The following ARL13B variants were observed in gnomAD, a reference collection of about 807,000 sequenced individuals.
ARL13B encodes the protein ARF like GTPase 13B, also known as ADP-ribosylation factor-like protein 13B.
In ARL13B, 36 loss-of-function variants were observed where a neutral mutation model predicts 56.1. The observed-to-expected ratio is 0.64, with a 90% CI of 0.49 to 0.85. The LOEUF is 0.85. ARL13B is among the 40% of genes least tolerant of loss of function. The probability of loss-of-function intolerance (pLI) is 0.00; values close to 1 mark genes in which losing one functional copy is unlikely to be tolerated. For synonymous variants in ARL13B, 178 were observed against 171.1 expected, an observed-to-expected ratio of 1.04 and a Z score of -0.32; for missense variants, 519 against 507.1, an observed-to-expected ratio of 1.02 and a Z score of -0.23.
chr3:93,981,217 C>CCAGGCA (rs1343434884), intron 1 of ARL13B, among the ~76,000 whole-genome samples: 1 of 152,144 alleles, frequency 6.6e-6, no homozygotes, highest in Non-Finnish European at 1.5e-5. Flanking sequence ...ATACCTTGTG[C>CCAGGCA]CAGGCACTGT....
chr3:93,995,964 G>T lies in ARL13B; in HGVS notation c.130+20G>T. On this transcript the variant is annotated intron_variant, in intron 2 of 9. Transcript: ENST00000394222. ...AAGGAGGTAAGCTGAAAACATTTAT[G>T]TGCTTTCTGAACTCTATTAAATTAT... 6.2e-7 allele frequency: 1 copy of T among 1,608,424 alleles called. No individual in the cohort carries two copies. The highest frequency in any genetic ancestry group is 8.5e-7 in the Non-Finnish European group (1 of 1,175,772).
chr3:94,035,313 A>T lies in ARL13B; in HGVS notation c.381-18A>T. ...AATTATATATATGCTGTATAAAAGT[A>T]CTTTAATTATCTTTCAGGTTGGCAA... On this transcript the variant is annotated intron_variant, in intron 3 of 9. Transcript: ENST00000394222. The T allele has an allele frequency of 6.6e-7, 1 of 1,504,794 alleles. No homozygotes were observed. Among genetic ancestry groups the T allele is most frequent in the Non-Finnish European group, 9.2e-7 (1 of 1,083,282 alleles). 93.2% of individuals were successfully genotyped at this position (1,504,794 alleles called of 1,614,324 possible). A position where few individuals can be genotyped will look rare whatever the true frequency, so the allele number is the denominator to read the frequency against.
intron 1 of ARL13B, among the ~76,000 whole-genome samples, chr3:93,982,740 T>C (rs1442190956): frequency 6.6e-6 from 1 of 152,220 alleles, no homozygotes; most frequent in East Asian, 1.9e-4. Context: ...GGATTACCCC[T>C]GTCTTCTAAG....
In ARL13B at chr3:94,029,326, A is replaced by ATTTTTT. The variant is rs1559997598; in HGVS notation, c.381-6004_381-6003insTTTTTT. On this transcript the variant is annotated intron_variant, in intron 3 of 9. Coordinates refer to ENST00000394222, the MANE Select transcript of ARL13B (RefSeq NM_001174150.2). ...CATATATATATATATATATATATAT[A>ATTTTTT]TATATATATTTATTTTTTTTTTATT... is the stretch of plus-strand genomic sequence containing the variant. Among the ~76,000 whole-genome samples the ATTTTTT allele has an allele frequency of 2.1e-5, 2 of 96,096 alleles. 1 individual carries two copies. Among genetic ancestry groups the ATTTTTT allele is most frequent in the African/African-American group, 1.2e-4 (2 of 16,776 alleles). 63.0% of individuals were successfully genotyped at this position (96,096 alleles called of 152,430 possible).
At chr3:93,981,112 C>T (rs188095106) in intron 1 of ARL13B, among the ~76,000 whole-genome samples, 2 of 152,260 alleles carry the variant, frequency 1.3e-5, no homozygotes, top group African/African-American at 4.8e-5. Context: ...TTGAAAGGGT[C>T]CACTTTTTAA....
intron 9 of ARL13B, 26 bp from the exon 10 acceptor site, chr3:94,053,161 G>A: frequency 6.3e-7 from 1 of 1,585,464 alleles, no homozygotes; most frequent in Non-Finnish European, 8.6e-7. Context: ...ACTGTTTTGT[G>A]CATTTGGTTT....
intron 1 of ARL13B, among the ~76,000 whole-genome samples, chr3:93,990,858 C>A (rs1559967936): frequency 6.6e-6 from 1 of 152,146 alleles, no homozygotes; most frequent in African/African-American, 2.4e-5. Context: ...TTTTACCTTT[C>A]CCTTGCTTGA....
chr3:94,015,795 T>C (rs903863828), intron 3 of ARL13B, among the ~76,000 whole-genome samples: 2 of 152,158 alleles, frequency 1.3e-5, no homozygotes, highest in Non-Finnish European at 2.9e-5. Context: ...ATGGATAATA[T>C]TGAATTTATT....
intron 2 of ARL13B, chr3:93,996,679 G>A (rs769714564): frequency 3.1e-5 from 13 of 416,962 alleles, no homozygotes; most frequent in East Asian, 7.1e-5. Flanking sequence ...CGCCCAGCCC[G>A]GCCAGGTAAT....
In ARL13B at chr3:94,054,037, A is replaced by C. The variant is rs1198887003; in HGVS notation, c.*774A>C. On this transcript the variant is annotated 3_prime_UTR_variant, in exon 10 of 10. Transcript: ENST00000394222. ...TTTGTACCTAAATGTTTTTTAAATT[A>C]ATCAAAATACATTCTGTGAGATACT... is the stretch of plus-strand genomic sequence containing the variant. 2.3e-6 allele frequency: 1 copy of C among 433,794 alleles called. No individual in the cohort carries two copies. The highest frequency in any genetic ancestry group is 2.0e-5 in the African/African-American group (1 of 49,054). 26.9% of individuals were successfully genotyped at this position (433,794 alleles called of 1,614,324 possible).
Position 93,995,777 on chromosome 3 carries a change from G to A in ARL13B, c.60-97G>A, listed in dbSNP as rs183943946. Reference sequence around the variant, plus strand: ...ACAGATTTTCTTGTGCTTAATAGGTGCTCCTTAAATGTTGATTTAATTAAT... The same window carrying A: ...ACAGATTTTCTTGTGCTTAATAGGTACTCCTTAAATGTTGATTTAATTAAT... On this transcript the variant is annotated intron_variant, in intron 1 of 9. Coordinates refer to ENST00000394222, the MANE Select transcript of ARL13B (RefSeq NM_001174150.2). 11 of 1,083,036 alleles carry A rather than the reference G, an allele frequency of 1.0e-5. No individual in the cohort carries two copies. In the East Asian group the frequency reaches 2.6e-4, roughly 26 times the overall value. The allele number at this position is 1,083,036 out of a possible 1,614,324, so 67.1% of individuals were successfully genotyped here.
chr3:94,021,698 A>G (rs765597947), intron 3 of ARL13B, among the ~76,000 whole-genome samples: 18 of 152,184 alleles, frequency 1.2e-4, no homozygotes, highest in Non-Finnish European at 2.1e-4. Context: ...AGGTTGGCTT[A>G]GTAATTTATC....
chr3:93,995,211 G>A (rs760052051), intron 1 of ARL13B, among the ~76,000 whole-genome samples: 1 of 152,128 alleles, frequency 6.6e-6, no homozygotes, highest in Non-Finnish European at 1.5e-5. Flanking sequence ...CTACGAGTTA[G>A]GTGAATTAGG....
At chr3:94,031,737 C>G (rs547210798) in intron 3 of ARL13B, among the ~76,000 whole-genome samples, 1 of 152,328 alleles carries the variant, frequency 6.6e-6, no homozygotes, top group South Asian at 2.1e-4. Flanking sequence ...ATCATATTAT[C>G]TGACCTTAAA....
At chr3:94,038,129 A>G (rs2076801505) in intron 5 of ARL13B, among the ~76,000 whole-genome samples, 1 of 152,242 alleles carries the variant, frequency 6.6e-6, no homozygotes, top group Non-Finnish European at 1.5e-5. Flanking sequence ...ATAATATATT[A>G]ATACTGTATT....
chr3:94,000,643 GTA>G (rs941744244), intron 2 of ARL13B, among the ~76,000 whole-genome samples: 1 of 150,812 alleles, frequency 6.6e-6, no homozygotes, highest in East Asian at 1.9e-4. Context: ...GTGTGTATAT[GTA>G]TATATATATA....
intron 1 of ARL13B, among the ~76,000 whole-genome samples, chr3:93,990,313 T>G (rs1014679920): frequency 3.9e-5 from 6 of 152,264 alleles, no homozygotes; most frequent in African/African-American, 1.4e-4. Context: ...TGGCCCAGTT[T>G]GAGTATCTCT....
At chr3:94,024,845 C>T (rs775883634) in intron 3 of ARL13B, among the ~76,000 whole-genome samples, 10 of 152,110 alleles carry the variant, frequency 6.6e-5, no homozygotes, top group Non-Finnish European at 1.5e-4. Flanking sequence ...ACCTCCGCCT[C>T]CCAAAGTGCT....
intron 8 of ARL13B, 57 bp from the exon 9 acceptor site, chr3:94,050,767 C>T: frequency 2.1e-6 from 3 of 1,461,890 alleles, no homozygotes; most frequent in Non-Finnish European, 1.9e-6. Context: ...ATCCTCTCAA[C>T]AGACCTAAAG....
Sources: allele counts gnomAD v4.1 joint callset (sites outside exome capture counted in the v4.1 genomes callset), GRCh38; gene constraint gnomAD v4.1.1; transcripts MANE v1.5; gene names NCBI Gene and HGNC (gene_info 2026-07-23, HGNC 2026-07-21).